Variants in MANBAL observed in about 807,000 individuals in gnomAD.
MANBAL encodes the protein mannosidase beta like, also known as protein MANBAL.
In MANBAL, 1 loss-of-function variant was observed where a neutral mutation model predicts 6.4. The ratio of observed to expected loss-of-function variants is 0.16; its 90% CI spans 0.06 to 0.74. The LOEUF is 0.74. MANBAL is among the 30% of genes least tolerant of loss of function. The probability of loss-of-function intolerance (pLI) is 0.78; values close to 1 mark genes in which losing one functional copy is unlikely to be tolerated. For synonymous variants in MANBAL, 47 were observed against 45.8 expected, an observed-to-expected ratio of 1.03 and a Z score of -0.10; for missense variants, 100 against 107.8, an observed-to-expected ratio of 0.93 and a Z score of 0.32.
intron 2 of MANBAL, among the ~76,000 whole-genome samples, chr20:37,312,671 G>C (rs545174748): frequency 1.3e-5 from 2 of 152,278 alleles, no homozygotes; most frequent in East Asian, 1.9e-4. Context: ...ATCTCTCTCT[G>C]TTGCCCAGGC....
At position 37,316,670 on chromosome 20, in the gene MANBAL, G is replaced by T; in HGVS notation, c.*255G>T. On this transcript the variant is annotated 3_prime_UTR_variant, in exon 3 of 3. Coordinates refer to ENST00000373606, the MANE Select transcript of MANBAL (RefSeq NM_001003897.2). Reference sequence around the variant, plus strand: ...CACACTGTGAGCATAGACTGTATTAGGTTTGTTCAGAAGCCGGGTCAGCTC... The same window carrying T: ...CACACTGTGAGCATAGACTGTATTATGTTTGTTCAGAAGCCGGGTCAGCTC... 3.2e-6 allele frequency: 1 copy of T among 310,882 alleles called. No individual in the cohort carries two copies. Among genetic ancestry groups the T allele is most frequent in the Non-Finnish European group, 6.0e-6 (1 of 165,714 alleles). The allele number at this position is 310,882 out of a possible 1,614,324, so 19.3% of individuals were successfully genotyped here. A position where few individuals can be genotyped will look rare whatever the true frequency, so the allele number is the denominator to read the frequency against.
intron 1 of MANBAL, among the ~76,000 whole-genome samples, chr20:37,293,306 C>G (rs1325087409): frequency 6.6e-6 from 1 of 152,182 alleles, no homozygotes; most frequent in Non-Finnish European, 1.5e-5. Context: ...ACTAGACAGT[C>G]CCGTCTGGGG....
At chr20:37,305,215 T>C (rs1220128025) in intron 2 of MANBAL, among the ~76,000 whole-genome samples, 1 of 152,342 alleles carries the variant, frequency 6.6e-6, no homozygotes, top group African/African-American at 2.4e-5. Context: ...TGCTATTCGG[T>C]ATTATAAATA....
intron 2 of MANBAL, among the ~76,000 whole-genome samples, chr20:37,306,907 A>G (rs555064600): frequency 6.6e-6 from 1 of 152,340 alleles, no homozygotes; most frequent in Admixed American, 6.5e-5. Flanking sequence ...TCAAAGGCCT[A>G]GACCACACCC....
intron 1 of MANBAL, among the ~76,000 whole-genome samples, chr20:37,291,194 T>C (rs1280596514): frequency 6.6e-6 from 1 of 152,218 alleles, no homozygotes; most frequent in Non-Finnish European, 1.5e-5. Flanking sequence ...AACCTTTTTG[T>C]TTTAGAATAA....
intron 2 of MANBAL, among the ~76,000 whole-genome samples, chr20:37,313,050 A>G (rs961103586): frequency 6.6e-6 from 1 of 152,186 alleles, no homozygotes; most frequent in Non-Finnish European, 1.5e-5. Flanking sequence ...AGCTATCCCA[A>G]AGTGCTCATG....
At chr20:37,311,511 G>T (rs1321539135) in intron 2 of MANBAL, among the ~76,000 whole-genome samples, 1 of 152,058 alleles carries the variant, frequency 6.6e-6, no homozygotes, top group African/African-American at 2.4e-5. Context: ...AACTTTTTTT[G>T]AGTTTTGCTC....
chr20:37,306,803 T>C (rs571973266), intron 2 of MANBAL, among the ~76,000 whole-genome samples: 5 of 152,326 alleles, frequency 3.3e-5, no homozygotes, highest in Non-Finnish European at 5.9e-5. Flanking sequence ...TGATGTCTGT[T>C]TGCTGTGAGC....
intron 1 of MANBAL, among the ~76,000 whole-genome samples, chr20:37,296,462 T>A (rs1317927785): frequency 6.6e-6 from 1 of 152,242 alleles, no homozygotes; most frequent in East Asian, 1.9e-4. Flanking sequence ...ATTGCTTATT[T>A]TTTTCAATTA....
intron 1 of MANBAL, among the ~76,000 whole-genome samples, chr20:37,291,407 A>G (rs1436827031): frequency 1.3e-5 from 2 of 151,934 alleles, no homozygotes; most frequent in Non-Finnish European, 2.9e-5. Flanking sequence ...AGGGCACCCT[A>G]TTACATTTAG....
At chr20:37,294,318 T>C (rs917040115) in intron 1 of MANBAL, among the ~76,000 whole-genome samples, 1 of 152,242 alleles carries the variant, frequency 6.6e-6, no homozygotes, top group African/African-American at 2.4e-5. Flanking sequence ...CCTCCACAGC[T>C]ACCACCCTGG....
In MANBAL at chr20:37,316,941, G is replaced by C. The variant is rs1451962468; in HGVS notation, c.*526G>C. 6.6e-6 allele frequency: 1 copy of C among 152,574 alleles called. No homozygotes were observed. The highest frequency in any genetic ancestry group is 2.4e-5 in the African/African-American group (1 of 41,442). 9.5% of individuals were successfully genotyped at this position (152,574 alleles called of 1,614,324 possible). A position where few individuals can be genotyped will look rare whatever the true frequency, so the allele number is the denominator to read the frequency against. On this transcript the variant is annotated 3_prime_UTR_variant, in exon 3 of 3. Coordinates refer to ENST00000373606, the MANE Select transcript of MANBAL (RefSeq NM_001003897.2). ...CAGCGTTAGTGATCCCACTAGCTGT[G>C]ACAGCCAGGCCCAGAAAATGCCTGG...
At position 37,316,321 on chromosome 20, in the gene MANBAL, C is replaced by A. The variant is rs1290518775; in HGVS notation, c.164C>A (p.Ser55Tyr). 6.2e-7 allele frequency: 1 copy of A among 1,613,548 alleles called. No individual in the cohort carries two copies. Among genetic ancestry groups the A allele is most frequent in the Non-Finnish European group, 8.5e-7 (1 of 1,179,814 alleles). Reference sequence around the variant, plus strand: ...ATCACCTCACAGGAGGCTGAACCGTCTGAGCCCAGAAGTGCTGAGGTGACG... The same window carrying A: ...ATCACCTCACAGGAGGCTGAACCGTATGAGCCCAGAAGTGCTGAGGTGACG... ...PKSHEAEAEP[S>Y]EPRSAEVTRK... The change falls in exon 3 of 3, where the codon TCT becomes TAT. Residue 55 changes from serine to tyrosine, a missense_variant. Ser to Tyr is a moderately radical substitution (Grantham distance 144, BLOSUM62 -2). Coordinates refer to ENST00000373606, the MANE Select transcript of MANBAL (RefSeq NM_001003897.2).
At chr20:37,293,719 G>T (rs2068925506) in intron 1 of MANBAL, among the ~76,000 whole-genome samples, 1 of 152,128 alleles carries the variant, frequency 6.6e-6, no homozygotes, top group Non-Finnish European at 1.5e-5. Context: ...ATACATGTAT[G>T]GTGGTTTTAG....
intron 1 of MANBAL, among the ~76,000 whole-genome samples, chr20:37,291,894 C>T (rs866806849): frequency 2.8e-4 from 43 of 152,186 alleles, no homozygotes; most frequent in African/African-American, 1.0e-3. Context: ...ACCGTGAGTC[C>T]GTTAAACCTC....
At chr20:37,293,937 C>T (rs1461987211) in intron 1 of MANBAL, among the ~76,000 whole-genome samples, 1 of 152,144 alleles carries the variant, frequency 6.6e-6, no homozygotes, top group African/African-American at 2.4e-5. Flanking sequence ...CTGGAACACC[C>T]TGACTTCATG....
At chr20:37,316,149 G>A (rs182517067) in intron 2 of MANBAL, among the ~76,000 whole-genome samples, 159 bp from the exon 3 acceptor site, 36 of 152,334 alleles carry the variant, frequency 2.4e-4, no homozygotes, top group Non-Finnish European at 4.7e-4. Flanking sequence ...ACGATGCTCC[G>A]GGGCAGTCCC....
intron 1 of MANBAL, among the ~76,000 whole-genome samples, chr20:37,296,488 G>A (rs1454280696): frequency 6.6e-6 from 1 of 152,118 alleles, no homozygotes; most frequent in Non-Finnish European, 1.5e-5. Flanking sequence ...ACTTTGCAAA[G>A]ACTTTCCACT....
chr20:37,312,846 T>A (rs2069419097), intron 2 of MANBAL, among the ~76,000 whole-genome samples: 1 of 152,194 alleles, frequency 6.6e-6, no homozygotes, highest in Admixed American at 6.5e-5. Flanking sequence ...AAGGCATAAT[T>A]TAGGCCAGGG....
Sources: allele counts gnomAD v4.1 joint callset (sites outside exome capture counted in the v4.1 genomes callset), GRCh38; gene constraint gnomAD v4.1.1; transcripts MANE v1.5; gene names NCBI Gene and HGNC (gene_info 2026-07-23, HGNC 2026-07-21).